The following ANGPT2 variants were observed in gnomAD, a reference collection of about 807,000 sequenced individuals.
ANGPT2 encodes the protein angiopoietin-2.
ANGPT2 carries 28 observed loss-of-function variants against 62.9 expected under a neutral mutation model. The observed-to-expected ratio is 0.44, with a 90% CI of 0.33 to 0.61. The LOEUF (loss-of-function observed/expected upper bound fraction) is 0.61. ANGPT2 is among the 20% of genes least tolerant of loss of function. The pLI, the probability that ANGPT2 is intolerant of heterozygous loss-of-function variation, is 0.03. For synonymous variants in ANGPT2, 284 were observed against 207.8 expected (o/e 1.37, Z -3.15); for missense variants, 727 against 594.9 (o/e 1.22, Z -2.31).
intron 1 of ANGPT2, among the ~76,000 whole-genome samples, chr8:6,558,853 A>G (rs555130038): frequency 6.6e-6 from 1 of 152,180 alleles, no homozygotes. Flanking sequence ...GTAAACATGT[A>G]TTATATTTTA....
In ANGPT2 at chr8:6,514,749, GCCT is replaced by G; in HGVS notation, c.954_956del (p.Gly320del). On this transcript the variant is annotated inframe_deletion, in exon 6 of 9. Coordinates refer to ENST00000629816, the MANE Select transcript of ANGPT2 (RefSeq NM_001118887.2). ...CACGTCGCTGAATAATTGTCCACCCGCCTCCTCCAGCTTCCATGTCACAGTAGG... is the reference window on the plus strand; with the variant it reads ...CACGTCGCTGAATAATTGTCCACCCGCCTCCAGCTTCCATGTCACAGTAGG... 6.2e-7 allele frequency: 1 copy of G among 1,613,776 alleles called. No homozygotes were observed. The highest frequency in any genetic ancestry group is 8.5e-7 in the Non-Finnish European group (1 of 1,179,908).
At chr8:6,519,791 C>G in intron 5 of ANGPT2, 73 bp downstream of exon 5, 1 of 1,546,166 alleles carries the variant, frequency 6.5e-7, no homozygotes, top group South Asian at 1.2e-5. Flanking sequence ...GAGACTTCTG[C>G]TCTCTGGTTC....
At position 6,515,154 on chromosome 8, in the gene ANGPT2, C is replaced by G. The variant is rs528259103; in HGVS notation, c.928-376G>C. The stretch of plus-strand genomic sequence containing the variant: ...TTGGCCCCGAACCCCACATCTCCAT[C>G]CTGTAGAAAACCATTGACTTGTGTT... On this transcript the variant is annotated intron_variant, in intron 5 of 8. Coordinates refer to ENST00000629816, the MANE Select transcript of ANGPT2 (RefSeq NM_001118887.2). Among the ~76,000 whole-genome samples, 6 of 152,212 alleles carry G rather than the reference C, an allele frequency of 3.9e-5. No individual in the cohort carries two copies. The South Asian group carries it at 1.2e-3, about 32-fold the overall frequency.
chr8:6,509,893 C>G (rs964454069), intron 7 of ANGPT2, among the ~76,000 whole-genome samples: 8 of 152,226 alleles, frequency 5.3e-5, no homozygotes, highest in African/African-American at 1.9e-4. Flanking sequence ...ACAGGACTGA[C>G]TGGGACCTGT....
chr8:6,527,485 A>C, intron 3 of ANGPT2, 70 bp downstream of exon 3: 1 of 1,556,910 alleles, frequency 6.4e-7, no homozygotes, highest in Admixed American at 1.7e-5. Context: ...ATAATTCATC[A>C]TTTGAGACCG....
chr8:6,551,240 CTTCT>C (rs2129574919), intron 1 of ANGPT2, among the ~76,000 whole-genome samples: 1 of 150,838 alleles, frequency 6.6e-6, no homozygotes, highest in East Asian at 1.9e-4. Flanking sequence ...TTTTTTTTTT[CTTCT>C]TTCTCATGCA....
chr8:6,548,698 C>T (rs897207977), intron 1 of ANGPT2, among the ~76,000 whole-genome samples: 2 of 152,172 alleles, frequency 1.3e-5, no homozygotes, highest in Non-Finnish European at 2.9e-5. Context: ...TCCTCGTGCT[C>T]ACAGAAGCAA....
intron 7 of ANGPT2, among the ~76,000 whole-genome samples, chr8:6,510,363 C>T (rs1814796706): frequency 6.6e-6 from 1 of 152,078 alleles, no homozygotes; most frequent in South Asian, 2.1e-4. Flanking sequence ...GCAATGGTGG[C>T]AGGAGAAGTG....
chr8:6,536,002 A>C lies in ANGPT2; in HGVS notation c.289-3515T>G, dbSNP rs532468517. 3.9e-5 allele frequency among the ~76,000 whole-genome samples: 6 copies of C among 152,276 alleles called. No homozygotes were observed. In the South Asian group the frequency reaches 1.2e-3, roughly 32 times the overall value. ...AGCCCAGGAGAGCAAGGCTGCAGTGAGCCATGATCGTGCCACTGCACTGCA... is the reference window on the plus strand; with the variant it reads ...AGCCCAGGAGAGCAAGGCTGCAGTGCGCCATGATCGTGCCACTGCACTGCA... On this transcript the variant is annotated intron_variant, in intron 1 of 8. Transcript: ENST00000629816.
intron 8 of ANGPT2, chr8:6,507,821 G>A (rs754220796): frequency 7.0e-6 from 1 of 142,136 alleles, no homozygotes; most frequent in Non-Finnish European, 1.6e-5. Context: ...AACTTCAGGT[G>A]ATCCGCCCTC....
chr8:6,541,895 C>G lies in ANGPT2; in HGVS notation c.289-9408G>C, dbSNP rs148623282. Among the ~76,000 whole-genome samples, 422 of 151,646 alleles carry G rather than the reference C, an allele frequency of 2.8e-3. 8 individuals are homozygous for G. In the East Asian group the frequency reaches 0.062, roughly 22 times the overall value. On this transcript the variant is annotated intron_variant, in intron 1 of 8. Transcript: ENST00000629816. Reference sequence around the variant, plus strand: ...TGGTGGCTCATGCCTGTGGTCCTAGCTACTCAGGAGGCTAAGGTGGGAGGA... The same window carrying G: ...TGGTGGCTCATGCCTGTGGTCCTAGGTACTCAGGAGGCTAAGGTGGGAGGA...
chr8:6,551,961 A>G (rs1321111276), intron 1 of ANGPT2, among the ~76,000 whole-genome samples: 1 of 152,234 alleles, frequency 6.6e-6, no homozygotes, highest in Non-Finnish European at 1.5e-5. Context: ...TAAAACTCTA[A>G]TACTTCAACT....
At chr8:6,541,723 G>A (rs549645743) in intron 1 of ANGPT2, among the ~76,000 whole-genome samples, 1 of 152,128 alleles carries the variant, frequency 6.6e-6, no homozygotes, top group East Asian at 1.9e-4. Flanking sequence ...TGAATGTAGG[G>A]CCGGGCATAG....
rs1469493982 is a variant in ANGPT2 at position 6,500,498 on chromosome 8, TATTC to T, written c.*2599_*2602del. ...AAATGTTAATTTGTTTGTCACAGTT[TATTC>T]ATTCAAAAGATTAATAGCTGAAAGA... On this transcript the variant is annotated 3_prime_UTR_variant, in exon 9 of 9. Transcript: ENST00000629816. 3 of 154,528 alleles carry T rather than the reference TATTC, an allele frequency of 1.9e-5. No homozygotes were observed. The highest frequency in any genetic ancestry group is 7.2e-5 in the African/African-American group (3 of 41,466). The allele number at this position is 154,528 out of a possible 1,614,324, so 9.6% of individuals were successfully genotyped here.
intron 7 of ANGPT2, among the ~76,000 whole-genome samples, chr8:6,512,872 G>C (rs894276755): frequency 6.6e-6 from 1 of 152,214 alleles, no homozygotes; most frequent in Non-Finnish European, 1.5e-5. Context: ...GAGGAGAGCA[G>C]AGTTGACTAA....
chr8:6,548,607 T>A (rs757403700), intron 1 of ANGPT2, among the ~76,000 whole-genome samples: 3 of 152,160 alleles, frequency 2.0e-5, no homozygotes, highest in Non-Finnish European at 4.4e-5. Context: ...GTACACCTGA[T>A]GGATTTTTGT....
intron 1 of ANGPT2, among the ~76,000 whole-genome samples, chr8:6,537,367 C>G (rs1443487449): frequency 5.9e-5 from 9 of 151,946 alleles, no homozygotes. Flanking sequence ...TTCTTCCTTT[C>G]TCAGAACTCA....
intron 8 of ANGPT2, 118 bp downstream of exon 8, chr8:6,508,814 T>C: frequency 7.3e-7 from 1 of 1,372,132 alleles, no homozygotes; most frequent in Non-Finnish European, 1.0e-6. Context: ...CTAGTGTGTC[T>C]ACGTATGAAA....
intron 3 of ANGPT2, 36 bp from the exon 4 acceptor site, chr8:6,521,446 A>C (rs1817319503): frequency 7.2e-7 from 1 of 1,385,866 alleles, no homozygotes; most frequent in Non-Finnish European, 1.0e-6. Flanking sequence ...AGTGAAGGCT[A>C]TTCTAATGAA....
Sources: gnomAD v4.1 joint callset for allele counts (sites outside exome capture counted in the v4.1 genomes callset) on GRCh38, gnomAD v4.1.1 for gene constraint, MANE v1.5 for transcripts, NCBI Gene and HGNC (gene_info 2026-07-23, HGNC 2026-07-21) for gene names.